Variants in MAD1L1 observed in about 807,000 individuals in gnomAD.
The protein encoded by MAD1L1 is mitotic spindle assembly checkpoint protein MAD1.
A neutral mutation model predicts 96.9 loss-of-function variants in MAD1L1; 95 were observed. The ratio of observed to expected loss-of-function variants is 0.98; its 90% CI spans 0.83 to 1.16. MAD1L1 has a LOEUF of 1.16. MAD1L1 is among the 50% of genes most tolerant of loss of function. The pLI, the probability that MAD1L1 is intolerant of heterozygous loss-of-function variation, is 0.00. For synonymous variants in MAD1L1, 473 were observed against 396.6 expected, an observed-to-expected ratio of 1.19 and a Z score of -2.29; for missense variants, 1,007 against 954.4, an observed-to-expected ratio of 1.06 and a Z score of -0.73.
intron 10 of MAD1L1, among the ~76,000 whole-genome samples, chr7:2,175,550 CAGAA>C (rs1460215803): frequency 2.0e-5 from 3 of 146,444 alleles, no homozygotes; most frequent in Non-Finnish European, 4.5e-5. Flanking sequence ...TATGAGGTTT[CAGAA>C]AGAAAAAGGT....
chr7:2,228,751 T>C (rs1387878264), intron 3 of MAD1L1, among the ~76,000 whole-genome samples: 1 of 151,760 alleles, frequency 6.6e-6, no homozygotes, highest in African/African-American at 2.4e-5. Context: ...CATTCTTTTT[T>C]TTTTTTTGAG....
intron 10 of MAD1L1, among the ~76,000 whole-genome samples, chr7:2,211,328 A>T (rs1792936181): frequency 1.3e-5 from 2 of 152,118 alleles, no homozygotes; most frequent in South Asian, 4.1e-4. Flanking sequence ...GCTCGCCCTC[A>T]CACAAGCCAT....
chr7:1,887,716 T>C (rs1005235322), intron 18 of MAD1L1, among the ~76,000 whole-genome samples: 4 of 149,572 alleles, frequency 2.7e-5, no homozygotes, highest in East Asian at 4.0e-4. Flanking sequence ...GGCATGTGTG[T>C]GCATACATGC....
chr7:1,832,466 GT>G (rs1224648986), intron 18 of MAD1L1, among the ~76,000 whole-genome samples: 1 of 147,176 alleles, frequency 6.8e-6, no homozygotes, highest in East Asian at 2.0e-4. Flanking sequence ...CATCAACTTA[GT>G]TGATAAAGCA....
chr7:1,832,986 C>A (rs59410940), intron 18 of MAD1L1, among the ~76,000 whole-genome samples: 2 of 151,886 alleles, frequency 1.3e-5, no homozygotes. Context: ...CAACCACCAC[C>A]CTGATCTGTC....
At chr7:2,173,278 C>T (rs1790795432) in intron 10 of MAD1L1, among the ~76,000 whole-genome samples, 1 of 152,156 alleles carries the variant, frequency 6.6e-6, no homozygotes, top group Non-Finnish European at 1.5e-5. Context: ...GAAGAGGAGG[C>T]CATGGCTCTG....
At chr7:2,087,561 A>G (rs746745252) in intron 11 of MAD1L1, among the ~76,000 whole-genome samples, 10 of 152,094 alleles carry the variant, frequency 6.6e-5, no homozygotes, top group Non-Finnish European at 1.5e-4. Flanking sequence ...TATTAATACT[A>G]CTACTAATCA....
chr7:1,943,309 G>C (rs925280130), intron 16 of MAD1L1, among the ~76,000 whole-genome samples: 3 of 152,226 alleles, frequency 2.0e-5, no homozygotes, highest in African/African-American at 7.2e-5. Context: ...GGACGCCAGT[G>C]ACAGGCAAAA....
At chr7:1,832,233 G>T (rs1285775916) in intron 18 of MAD1L1, among the ~76,000 whole-genome samples, 1 of 152,130 alleles carries the variant, frequency 6.6e-6, no homozygotes, top group African/African-American at 2.4e-5. Context: ...CTTGGTTCAA[G>T]AAGAGGTCAG....
In MAD1L1 at chr7:1,825,241, G is replaced by A. The variant is rs1399359670; in HGVS notation, c.1999-9013C>T. The stretch of plus-strand genomic sequence containing the variant: ...TCCACCTGGCCTGCAACCCTCGGGC[G>A]TCTTGCTCATCTGCCCGTCTGCCTG... On this transcript the variant is annotated intron_variant, in intron 18 of 18. Coordinates refer to ENST00000265854, the MANE Select transcript of MAD1L1 (RefSeq NM_001013836.2). Among the ~76,000 whole-genome samples the A allele has an allele frequency of 2.6e-5, 4 of 152,348 alleles. No individual in the cohort carries two copies. In the South Asian group the frequency reaches 6.2e-4, roughly 24 times the overall value.
At chr7:1,899,468 G>A (rs895748492) in intron 17 of MAD1L1, among the ~76,000 whole-genome samples, 2 of 152,172 alleles carry the variant, frequency 1.3e-5, no homozygotes, top group Admixed American at 6.5e-5. Flanking sequence ...CCACTATGAC[G>A]AGGGACTGAA....
chr7:2,106,667 CA>C (rs935377373), intron 11 of MAD1L1, among the ~76,000 whole-genome samples: 1 of 152,244 alleles, frequency 6.6e-6, no homozygotes, highest in Non-Finnish European at 1.5e-5. Context: ...GCCCATCCCG[CA>C]AAAGACGCCT....
chr7:2,174,642 C>A (rs1242151488), intron 10 of MAD1L1, among the ~76,000 whole-genome samples: 2 of 152,074 alleles, frequency 1.3e-5, no homozygotes, highest in Non-Finnish European at 2.9e-5. Context: ...CCAACACTTA[C>A]ACTGATTTTT....
intron 16 of MAD1L1, among the ~76,000 whole-genome samples, chr7:1,949,625 G>C (rs10256101): frequency 0.97 from 148,123 of 152,290 alleles, 72,143 homozygotes; most frequent in East Asian, 1. Flanking sequence ...CACCTCCCCT[G>C]AAACCCCACA....
chr7:1,873,438 C>A (rs1347949997), intron 18 of MAD1L1, among the ~76,000 whole-genome samples: 1 of 134,846 alleles, frequency 7.4e-6, no homozygotes, highest in Admixed American at 7.5e-5. Context: ...CTGGAGGATG[C>A]GAGGGGCGGT....
At chr7:1,970,918 G>C (rs966091786) in intron 15 of MAD1L1, among the ~76,000 whole-genome samples, 4 of 152,184 alleles carry the variant, frequency 2.6e-5, no homozygotes, top group African/African-American at 9.7e-5. Flanking sequence ...CCCGCCCTTG[G>C]TACTCGCCGA....
At chr7:2,045,678 T>G (rs1316102342) in intron 12 of MAD1L1, among the ~76,000 whole-genome samples, 1 of 143,944 alleles carries the variant, frequency 6.9e-6, no homozygotes, top group Non-Finnish European at 1.5e-5. Flanking sequence ...TAGTGGGATT[T>G]GGAGGCCGTG....
chr7:1,947,877 C>G (rs1454562210), intron 16 of MAD1L1, among the ~76,000 whole-genome samples: 1 of 152,188 alleles, frequency 6.6e-6, no homozygotes, highest in Non-Finnish European at 1.5e-5. Flanking sequence ...CCTGCGGGGC[C>G]GTGTCCCACC....
intron 10 of MAD1L1, among the ~76,000 whole-genome samples, chr7:2,161,714 G>A (rs1401510646): frequency 6.0e-5 from 9 of 150,684 alleles, no homozygotes; most frequent in African/African-American, 7.3e-5. Context: ...CCTCTGCCCC[G>A]CCGCCCCGTC....
Sources: gnomAD v4.1 joint callset for allele counts (sites outside exome capture counted in the v4.1 genomes callset) on GRCh38, gnomAD v4.1.1 for gene constraint, MANE v1.5 for transcripts, NCBI Gene and HGNC (gene_info 2026-07-23, HGNC 2026-07-21) for gene names.